SORCS1: variants seen among roughly 807,000 people sequenced by gnomAD.
SORCS1 encodes VPS10 domain-containing receptor SorCS1.
Under a neutral mutation model 146.1 loss-of-function variants are expected in SORCS1, and 60 were observed. The observed-to-expected ratio is 0.41, with a 90% confidence interval of 0.33 to 0.51. The LOEUF is 0.51. Among genes scored for constraint, SORCS1 ranks in the 20% least tolerant of loss-of-function variants. The pLI, the probability that SORCS1 is intolerant of heterozygous loss-of-function variation, is 0.21. For missense variants in SORCS1, 1,352 were observed against 1,487.6 expected (o/e 0.91, Z 1.50); for synonymous variants, 637 against 584.0 (o/e 1.09, Z -1.31).
At chr10:106,976,132 CAAAA>C (rs765709439) in intron 1 of SORCS1, among the ~76,000 whole-genome samples, 1 of 83,876 alleles carries the variant, frequency 1.2e-5, no homozygotes, top group Non-Finnish European at 2.3e-5. Context: ...GACTCTGTCT[CAAAA>C]AAAAAAAAAA....
chr10:106,879,023 G>A (rs1257348199), intron 2 of SORCS1, among the ~76,000 whole-genome samples: 7 of 151,822 alleles, frequency 4.6e-5, no homozygotes, highest in South Asian at 4.2e-4. Flanking sequence ...GGTGGTGGGC[G>A]CCTGTAGTCC....
At chr10:106,681,583 A>G (rs946319250) in intron 10 of SORCS1, among the ~76,000 whole-genome samples, 19 of 152,222 alleles carry the variant, frequency 1.2e-4, no homozygotes, top group African/African-American at 4.6e-4. Flanking sequence ...TGGATTATCA[A>G]CCACATAATC....
intron 1 of SORCS1, among the ~76,000 whole-genome samples, chr10:107,008,030 A>G (rs1957529726): frequency 6.8e-6 from 1 of 147,716 alleles, no homozygotes; most frequent in East Asian, 1.9e-4. Context: ...ATTGTAGGTT[A>G]ATTATTCACA....
chr10:107,039,500 T>C (rs2133981774), intron 1 of SORCS1, among the ~76,000 whole-genome samples: 1 of 152,326 alleles, frequency 6.6e-6, no homozygotes, highest in East Asian at 1.9e-4. Context: ...GTCACTTAAA[T>C]GTTCTGGTCT....
At chr10:106,801,803 T>G (rs1439522826) in intron 3 of SORCS1, among the ~76,000 whole-genome samples, 2 of 152,188 alleles carry the variant, frequency 1.3e-5, no homozygotes, top group African/African-American at 4.8e-5. Context: ...GTGCTGGGAT[T>G]ACAGGCGTGA....
chr10:106,589,229 G>A (rs528815113), intron 24 of SORCS1, among the ~76,000 whole-genome samples: 193 of 152,250 alleles, frequency 1.3e-3, no homozygotes, highest in Non-Finnish European at 2.3e-3. Context: ...CTATTTAGGA[G>A]GTATCCATCT....
At position 106,869,440 on chromosome 10, in the gene SORCS1, C is replaced by A. The variant is rs551025307; in HGVS notation, c.627-39767G>T. 3.9e-5 allele frequency among the ~76,000 whole-genome samples: 6 copies of A among 152,220 alleles called. No individual in the cohort carries two copies. In the South Asian group the frequency reaches 1.2e-3, roughly 32 times the overall value. On this transcript the variant is annotated intron_variant, in intron 2 of 25. Transcript: ENST00000263054. ...TTCGATGAATATCAATGGAAAAATCCTAAGCAAAATACTTGCAAACTGAAT... is the reference window on the plus strand; with the variant it reads ...TTCGATGAATATCAATGGAAAAATCATAAGCAAAATACTTGCAAACTGAAT...
At chr10:106,598,369 C>T (rs1023515350) in intron 23 of SORCS1, among the ~76,000 whole-genome samples, 2 of 151,810 alleles carry the variant, frequency 1.3e-5, no homozygotes, top group Non-Finnish European at 2.9e-5. Flanking sequence ...TCAAGCGATT[C>T]TCCTGCCTCA....
intron 3 of SORCS1, among the ~76,000 whole-genome samples, chr10:106,809,903 G>A (rs1377943105): frequency 6.6e-6 from 1 of 152,120 alleles, no homozygotes; most frequent in South Asian, 2.1e-4. Context: ...ATGATTAATA[G>A]CATCTTTTTG....
Position 106,621,357 on chromosome 10 carries a change from T to C in SORCS1, c.2663-796A>G, listed in dbSNP as rs1472788919. On this transcript the variant is annotated intron_variant, in intron 19 of 25. Transcript: ENST00000263054. Reference sequence around the variant, plus strand: ...TTTCCAGGCAAAATGCAGCTTCCTATGCATTTGCCATCCCCATCTTTGTCC... The same window carrying C: ...TTTCCAGGCAAAATGCAGCTTCCTACGCATTTGCCATCCCCATCTTTGTCC... Among the ~76,000 whole-genome samples the C allele has an allele frequency of 2.0e-5, 3 of 152,062 alleles. No homozygotes were observed. The East Asian group carries it at 5.8e-4, about 30-fold the overall frequency.
chr10:107,059,030 T>C (rs928247639), intron 1 of SORCS1, among the ~76,000 whole-genome samples: 5 of 152,194 alleles, frequency 3.3e-5, no homozygotes, highest in African/African-American at 1.2e-4. Flanking sequence ...CTATAATGCA[T>C]CTTGTGATGG....
chr10:107,000,620 A>AAG (rs915264616), intron 1 of SORCS1, among the ~76,000 whole-genome samples: 1 of 151,466 alleles, frequency 6.6e-6, no homozygotes, highest in Non-Finnish European at 1.5e-5. Flanking sequence ...AAAAAAAAAA[A>AAG]AAGTCAATTT....
chr10:106,704,242 G>A (rs2135785603), intron 8 of SORCS1, among the ~76,000 whole-genome samples: 1 of 152,212 alleles, frequency 6.6e-6, no homozygotes, highest in South Asian at 2.1e-4. Context: ...GAATTTTGAT[G>A]GGGTGATGAT....
intron 1 of SORCS1, among the ~76,000 whole-genome samples, chr10:106,986,511 C>CGTGT (rs58888609): frequency 0.044 from 6,511 of 148,320 alleles, 289 homozygotes; most frequent in African/African-American, 0.12. Flanking sequence ...TATATACAAC[C>CGTGT]GTGTGTGTGT....
At chr10:106,998,306 C>G (rs538448967) in intron 1 of SORCS1, among the ~76,000 whole-genome samples, 1 of 152,358 alleles carries the variant, frequency 6.6e-6, no homozygotes, top group Non-Finnish European at 1.5e-5. Flanking sequence ...AGCACTCATA[C>G]AGCTGGCTTG....
intron 4 of SORCS1, among the ~76,000 whole-genome samples, chr10:106,765,348 T>G (rs1859485816): frequency 6.6e-6 from 1 of 151,442 alleles, no homozygotes; most frequent in African/African-American, 2.4e-5. Flanking sequence ...TCTCTCTCTA[T>G]CCTGACATGT....
intron 22 of SORCS1, among the ~76,000 whole-genome samples, chr10:106,609,168 G>A (rs1441003843): frequency 2.6e-5 from 4 of 152,178 alleles, no homozygotes; most frequent in African/African-American, 7.2e-5. Context: ...TGAAGTCTGT[G>A]TTGGGACCCA....
chr10:106,734,820 T>G (rs1856834109), intron 5 of SORCS1, among the ~76,000 whole-genome samples: 1 of 152,162 alleles, frequency 6.6e-6, no homozygotes, highest in Admixed American at 6.5e-5. Context: ...CCTTTTTATT[T>G]CAAGAAATGG....
At chr10:106,681,433 C>T (rs896057207) in intron 10 of SORCS1, among the ~76,000 whole-genome samples, 3 of 152,180 alleles carry the variant, frequency 2.0e-5, no homozygotes, top group Non-Finnish European at 2.9e-5. Flanking sequence ...AGTACTGTTT[C>T]GCATCTTTTG....
Sources: allele counts gnomAD v4.1 joint callset (sites outside exome capture counted in the v4.1 genomes callset), GRCh38; gene constraint gnomAD v4.1.1; transcripts MANE v1.5; gene names NCBI Gene and HGNC (gene_info 2026-07-23, HGNC 2026-07-21).